GABRB1: variants seen among roughly 807,000 people sequenced by gnomAD.
GABRB1 encodes the protein gamma-aminobutyric acid receptor subunit beta-1.
GABRB1 carries 17 observed loss-of-function variants against 51.6 expected under a neutral mutation model. That is an observed-to-expected ratio of 0.33 (90% CI 0.23 to 0.49). GABRB1 has a LOEUF of 0.49. Among genes scored for constraint, GABRB1 ranks in the 20% least tolerant of loss-of-function variants. GABRB1 has a pLI of 0.99. For synonymous variants in GABRB1, 247 were observed against 218.9 expected, an observed-to-expected ratio of 1.13 and a Z score of -1.14; for missense variants, 410 against 600.6, an observed-to-expected ratio of 0.68 and a Z score of 3.32.
intron 1 of GABRB1, among the ~76,000 whole-genome samples, chr4:47,007,866 G>GTATATATACATATATATATATATATATA (rs1724453634): frequency 2.0e-5 from 1 of 49,972 alleles, no homozygotes; most frequent in Non-Finnish European, 4.1e-5. Context: ...CTTGGAACTG[G>GTATATATACATATATATATATATATATA]TATATATATA....
At chr4:47,033,026 A>G in intron 3 of GABRB1, 1 of 307,948 alleles carries the variant, frequency 3.2e-6, no homozygotes, top group South Asian at 2.9e-5. Context: ...GGCTAAGACA[A>G]CAGTCCATGT....
In GABRB1 at chr4:47,031,592, G is replaced by T. The variant is rs1401360560; in HGVS notation, c.-60G>T. 1.6e-5 allele frequency: 23 copies of T among 1,428,734 alleles called. No homozygotes were observed. The highest frequency in any genetic ancestry group is 2.0e-5 in the Non-Finnish European group (20 of 1,011,580). 88.5% of individuals were successfully genotyped at this position (1,428,734 alleles called of 1,614,324 possible). A position where few individuals can be genotyped will look rare whatever the true frequency, so the allele number is the denominator to read the frequency against. ...ATTCGGGAATTACTGCCCAGCAGCC[G>T]ACTAAGTTGCATTCCTTGAATCTTC... is the stretch of plus-strand genomic sequence containing the variant. On this transcript the variant is annotated 5_prime_UTR_variant, in exon 1 of 9. Transcript: ENST00000295454.
chr4:47,100,157 TA>T (rs1384618050), intron 3 of GABRB1, among the ~76,000 whole-genome samples: 1 of 151,790 alleles, frequency 6.6e-6, no homozygotes, highest in Non-Finnish European at 1.5e-5. Flanking sequence ...TAAAGTGCAA[TA>T]AAAATCAAAT....
intron 5 of GABRB1, among the ~76,000 whole-genome samples, chr4:47,370,254 C>A (rs761178950): frequency 3.6e-4 from 55 of 152,150 alleles, no homozygotes; most frequent in South Asian, 8.3e-4. Flanking sequence ...GTTGGGTGGC[C>A]GAGGCGAGTG....
chr4:47,058,481 C>A (rs1291551113), intron 3 of GABRB1, among the ~76,000 whole-genome samples: 2 of 152,174 alleles, frequency 1.3e-5, no homozygotes, highest in Non-Finnish European at 2.9e-5. Context: ...GGTAGGGCCT[C>A]ATGAGGTATG....
chr4:47,391,393 G>A (rs555583802), intron 5 of GABRB1, among the ~76,000 whole-genome samples: 3 of 152,226 alleles, frequency 2.0e-5, no homozygotes, highest in Middle Eastern at 3.4e-3. Flanking sequence ...TTTATTTTGT[G>A]TAGTATTGAC....
intron 3 of GABRB1, among the ~76,000 whole-genome samples, chr4:47,153,053 G>A (rs1717533597): frequency 6.6e-6 from 1 of 151,990 alleles, no homozygotes; most frequent in Non-Finnish European, 1.5e-5. Flanking sequence ...CACGCACGGA[G>A]CTGGTTACAC....
intron 4 of GABRB1, among the ~76,000 whole-genome samples, chr4:47,304,756 C>T (rs948581575): frequency 2.6e-5 from 4 of 152,034 alleles, no homozygotes; most frequent in African/African-American, 9.7e-5. Flanking sequence ...CATATGACTT[C>T]ATTTATCTTC....
chr4:47,076,524 C>T (rs752424218), intron 3 of GABRB1, among the ~76,000 whole-genome samples: 6 of 152,120 alleles, frequency 3.9e-5, no homozygotes, highest in Non-Finnish European at 5.9e-5. Context: ...CATCCCAAAG[C>T]GGCTCTGAGT....
At chr4:47,342,890 G>C (rs1369963663) in intron 5 of GABRB1, among the ~76,000 whole-genome samples, 1 of 152,046 alleles carries the variant, frequency 6.6e-6, no homozygotes, top group African/African-American at 2.4e-5. Context: ...TGACCCTTAA[G>C]TATTTCTTCC....
chr4:47,367,961 C>T (rs1727042623), intron 5 of GABRB1, among the ~76,000 whole-genome samples: 1 of 152,314 alleles, frequency 6.6e-6, no homozygotes, highest in Middle Eastern at 3.4e-3. Context: ...AAGTGGAGGG[C>T]AGCCAATATC....
intron 4 of GABRB1, among the ~76,000 whole-genome samples, chr4:47,231,763 T>C (rs979475434): frequency 6.6e-6 from 1 of 152,188 alleles, no homozygotes; most frequent in Non-Finnish European, 1.5e-5. Flanking sequence ...TGTGAAAGCC[T>C]ATTGTTAGAA....
At chr4:47,220,263 C>CA (rs1183164564) in intron 4 of GABRB1, among the ~76,000 whole-genome samples, 1 of 151,894 alleles carries the variant, frequency 6.6e-6, no homozygotes, top group Non-Finnish European at 1.5e-5. Context: ...TCTTATCACC[C>CA]AAACTGCCTT....
intron 3 of GABRB1, among the ~76,000 whole-genome samples, chr4:47,056,590 A>C (rs2109518766): frequency 6.6e-6 from 1 of 152,328 alleles, no homozygotes; most frequent in African/African-American, 2.4e-5. Flanking sequence ...CAAATGGACA[A>C]ACTGGTTGGG....
intron 5 of GABRB1, among the ~76,000 whole-genome samples, chr4:47,381,345 C>G (rs1005199891): frequency 2.0e-4 from 31 of 152,192 alleles, no homozygotes; most frequent in African/African-American, 7.2e-4. Context: ...CCACTCAACT[C>G]TCTGCACCAG....
intron 4 of GABRB1, among the ~76,000 whole-genome samples, chr4:47,297,259 CA>C (rs1164006363): frequency 7.7e-6 from 1 of 129,430 alleles, no homozygotes; most frequent in Non-Finnish European, 1.6e-5. Context: ...TAACTAAAAT[CA>C]GAGCAGAACT....
intron 5 of GABRB1, among the ~76,000 whole-genome samples, chr4:47,335,892 C>T (rs1725680750): frequency 6.6e-6 from 1 of 152,098 alleles, no homozygotes. Context: ...TATTTGGAGG[C>T]ATGAATACAG....
intron 5 of GABRB1, among the ~76,000 whole-genome samples, chr4:47,350,828 C>T (rs927651240): frequency 6.6e-6 from 1 of 152,064 alleles, no homozygotes; most frequent in East Asian, 1.9e-4. Flanking sequence ...TTTCATGACC[C>T]TGATCAACGT....
At chr4:47,112,167 T>C (rs1372124694) in intron 3 of GABRB1, among the ~76,000 whole-genome samples, 2 of 151,992 alleles carry the variant, frequency 1.3e-5, no homozygotes, top group Admixed American at 6.6e-5. Context: ...TTGTTTGTTT[T>C]TGTATTTTTA....
Sources: allele counts gnomAD v4.1 joint callset (sites outside exome capture counted in the v4.1 genomes callset), GRCh38; gene constraint gnomAD v4.1.1; transcripts MANE v1.5; gene names NCBI Gene and HGNC (gene_info 2026-07-23, HGNC 2026-07-21).